The following CAMKMT variants were observed in gnomAD, a reference collection of about 807,000 sequenced individuals.
CAMKMT encodes CaM KMT.
In CAMKMT, 53 loss-of-function variants were observed where a neutral mutation model predicts 48.0. That is an observed-to-expected ratio of 1.10 (90% CI 0.89 to 1.39). The LOEUF is 1.39. CAMKMT is among the 40% of genes most tolerant of loss of function. The pLI, the probability that CAMKMT is intolerant of heterozygous loss-of-function variation, is 0.00. For synonymous variants in CAMKMT, 165 were observed against 152.3 expected (o/e 1.08, Z -0.61); for missense variants, 428 against 402.7 (o/e 1.06, Z -0.54).
At chr2:44,382,683 G>A (rs1680373348) in intron 2 of CAMKMT, among the ~76,000 whole-genome samples, 2 of 151,946 alleles carry the variant, frequency 1.3e-5, no homozygotes, top group South Asian at 2.1e-4. Flanking sequence ...GTTTCACTGT[G>A]TTAGCCTGGA....
At chr2:44,728,453 C>A (rs1210573632) in intron 7 of CAMKMT, among the ~76,000 whole-genome samples, 1 of 152,128 alleles carries the variant, frequency 6.6e-6, no homozygotes, top group African/African-American at 2.4e-5. Context: ...TAGGGAGGAG[C>A]CCCTCCTCCT....
At chr2:44,620,846 G>A (rs180773822) in intron 3 of CAMKMT, among the ~76,000 whole-genome samples, 1 of 152,280 alleles carries the variant, frequency 6.6e-6, no homozygotes, top group Admixed American at 6.5e-5. Context: ...TTAGCTATGT[G>A]TCATTGGGCA....
intron 3 of CAMKMT, among the ~76,000 whole-genome samples, chr2:44,519,370 A>G (rs1166695576): frequency 1.3e-5 from 2 of 152,214 alleles, no homozygotes; most frequent in Non-Finnish European, 2.9e-5. Context: ...TATCATTTAA[A>G]TGTATTTTTT....
intron 3 of CAMKMT, among the ~76,000 whole-genome samples, chr2:44,498,457 C>T (rs1669860117): frequency 2.0e-5 from 3 of 152,208 alleles, no homozygotes; most frequent in Admixed American, 6.5e-5. Flanking sequence ...CATATACATT[C>T]TCTACGTAAG....
At chr2:44,370,092 T>C (rs1486547862) in intron 1 of CAMKMT, 1 of 152,204 alleles carries the variant, frequency 6.6e-6, no homozygotes, top group African/African-American at 2.4e-5. Flanking sequence ...GGGTCTGTAG[T>C]CAGGCAGCCT....
intron 3 of CAMKMT, among the ~76,000 whole-genome samples, chr2:44,510,963 C>T (rs528548804): frequency 6.6e-6 from 1 of 152,204 alleles, no homozygotes; most frequent in South Asian, 2.1e-4. Context: ...GCCTCAGCCT[C>T]CCAAGTAGCT....
chr2:44,512,089 C>G (rs1002911335), intron 3 of CAMKMT, among the ~76,000 whole-genome samples: 8 of 152,180 alleles, frequency 5.3e-5, no homozygotes, highest in African/African-American at 1.9e-4. Flanking sequence ...TTACGTCAGC[C>G]ATGACACTTG....
chr2:44,715,454 C>G (rs1678126997), intron 7 of CAMKMT, 101 bp downstream of exon 7: 1 of 822,164 alleles, frequency 1.2e-6, no homozygotes, highest in Non-Finnish European at 2.0e-6. Context: ...TATTGAGCAC[C>G]TGCTGTGTGT....
chr2:44,377,994 G>T (rs1679866119), intron 2 of CAMKMT, among the ~76,000 whole-genome samples: 1 of 152,126 alleles, frequency 6.6e-6, no homozygotes, highest in South Asian at 2.1e-4. Context: ...TATAACCTAG[G>T]TACGTATATA....
chr2:44,622,372 T>C (rs1420532772), intron 3 of CAMKMT, among the ~76,000 whole-genome samples: 1 of 152,182 alleles, frequency 6.6e-6, no homozygotes, highest in Non-Finnish European at 1.5e-5. Flanking sequence ...TTCTGGGGAG[T>C]ATATGTGCAG....
chr2:44,702,654 A>G (rs1034641888), intron 3 of CAMKMT, among the ~76,000 whole-genome samples: 1 of 152,178 alleles, frequency 6.6e-6, no homozygotes, highest in Non-Finnish European at 1.5e-5. Context: ...TAACTGCCAC[A>G]TTCCACTGCC....
chr2:44,461,769 A>G (rs1181002438), intron 3 of CAMKMT, among the ~76,000 whole-genome samples: 2 of 152,212 alleles, frequency 1.3e-5, no homozygotes, highest in Non-Finnish European at 2.9e-5. Context: ...CTAAATTAGT[A>G]TATGCCTTAT....
intron 3 of CAMKMT, among the ~76,000 whole-genome samples, chr2:44,552,860 T>C (rs181267470): frequency 6.6e-6 from 1 of 152,314 alleles, no homozygotes; most frequent in East Asian, 1.9e-4. Flanking sequence ...GATAAGTTTA[T>C]GTCATTTAGT....
chr2:44,591,365 A>G (rs1670258285), intron 3 of CAMKMT, among the ~76,000 whole-genome samples: 2 of 152,092 alleles, frequency 1.3e-5, no homozygotes, highest in African/African-American at 2.4e-5. Context: ...TTTTCACGAT[A>G]TTGATTCTTC....
At chr2:44,485,368 A>T (rs1669163690) in intron 3 of CAMKMT, among the ~76,000 whole-genome samples, 1 of 152,236 alleles carries the variant, frequency 6.6e-6, no homozygotes, top group African/African-American at 2.4e-5. Flanking sequence ...AGCAAAGAAA[A>T]TGAATCAACT....
At chr2:44,560,768 C>T (rs1274052405) in intron 3 of CAMKMT, among the ~76,000 whole-genome samples, 1 of 152,214 alleles carries the variant, frequency 6.6e-6, no homozygotes, top group Non-Finnish European at 1.5e-5. Context: ...TCCCTGGCAG[C>T]TCCCCCATTC....
intron 3 of CAMKMT, among the ~76,000 whole-genome samples, chr2:44,520,648 T>C (rs1486247413): frequency 1.3e-5 from 2 of 152,220 alleles, no homozygotes; most frequent in Non-Finnish European, 2.9e-5. Context: ...CTATTAGTTA[T>C]TAGTTGTATT....
chr2:44,484,716 A>G (rs1669132627), intron 3 of CAMKMT, among the ~76,000 whole-genome samples: 1 of 151,620 alleles, frequency 6.6e-6, no homozygotes, highest in Admixed American at 6.6e-5. Flanking sequence ...CATACAGAAA[A>G]GATTGATAAA....
intron 3 of CAMKMT, among the ~76,000 whole-genome samples, chr2:44,541,132 A>G (rs749598752): frequency 6.6e-6 from 1 of 152,210 alleles, no homozygotes; most frequent in Non-Finnish European, 1.5e-5. Flanking sequence ...TAATGACAGT[A>G]TGGCTAGTCC....
Sources: allele counts gnomAD v4.1 joint callset (sites outside exome capture counted in the v4.1 genomes callset), GRCh38; gene constraint gnomAD v4.1.1; transcripts MANE v1.5; gene names NCBI Gene and HGNC (gene_info 2026-07-23, HGNC 2026-07-21).